ZC3H12B: variants seen among roughly 807,000 people sequenced by gnomAD.
ZC3H12B encodes the protein zinc finger CCCH-type containing 12B, also known as probable ribonuclease ZC3H12B.
ZC3H12B carries 7 observed loss-of-function variants against 43.9 expected under a neutral mutation model. The observed-to-expected ratio is 0.16, with a 90% CI of 0.09 to 0.30. The LOEUF is 0.30. ZC3H12B is among the 10% of genes least tolerant of loss of function. ZC3H12B has a pLI of 1.00. For synonymous variants in ZC3H12B, 222 were observed against 241.7 expected, an observed-to-expected ratio of 0.92 and a Z score of 0.76; for missense variants, 475 against 670.2, an observed-to-expected ratio of 0.71 and a Z score of 3.22.
intron 3 of ZC3H12B, chrX:65,408,364 A>G (rs2066861871): frequency 1.7e-6 from 2 of 1,205,016 alleles, no homozygotes; most frequent in Non-Finnish European, 2.2e-6. Context: ...AAGTCATCCC[A>G]TTTCTGTCTC....
intron 3 of ZC3H12B, among the ~76,000 whole-genome samples, chrX:65,454,218 G>A (rs2067568597): frequency 8.9e-6 from 1 of 112,662 alleles, no homozygotes; most frequent in Non-Finnish European, 1.9e-5. Flanking sequence ...AGCACAAGGG[G>A]TCAGGGAACT....
the ZC3H12B span, among the ~76,000 whole-genome samples, chrX:65,107,911 T>G: frequency 9.0e-6 from 1 of 111,693 alleles, no homozygotes; most frequent in Non-Finnish European, 1.9e-5. Context: ...ACAACTAGAC[T>G]ATATGGTATA....
intron 3 of ZC3H12B, among the ~76,000 whole-genome samples, chrX:65,442,686 G>T (rs1021570485): frequency 1.8e-5 from 2 of 112,274 alleles, no homozygotes; most frequent in African/African-American, 6.5e-5. Flanking sequence ...GGAATTATCC[G>T]ACTGGAAACA....
At chrX:65,192,222 T>A in the ZC3H12B span, among the ~76,000 whole-genome samples, 3 of 110,674 alleles carry the variant, frequency 2.7e-5, no homozygotes, top group Admixed American at 9.7e-5. Flanking sequence ...TACTTCCAAC[T>A]ATGTGGTCAA....
the ZC3H12B span, among the ~76,000 whole-genome samples, chrX:65,281,716 C>G: frequency 8.9e-6 from 1 of 112,425 alleles, no homozygotes. Flanking sequence ...AAATGTAAAA[C>G]TGCTAGAAAG....
At chrX:65,458,491 G>A (rs2067671350) in intron 3 of ZC3H12B, among the ~76,000 whole-genome samples, 1 of 111,738 alleles carries the variant, frequency 8.9e-6, no homozygotes, top group Non-Finnish European at 1.9e-5. Context: ...TAAAAGAACA[G>A]GAATCACAAC....
chrX:65,336,381 A>G, the ZC3H12B span, among the ~76,000 whole-genome samples: 1 of 111,107 alleles, frequency 9.0e-6, no homozygotes, highest in Admixed American at 9.5e-5. Context: ...CATGGAACCA[A>G]AAGCAAAACT....
the ZC3H12B span, among the ~76,000 whole-genome samples, chrX:65,346,383 T>C: frequency 3.6e-5 from 4 of 111,007 alleles, no homozygotes; most frequent in Middle Eastern, 4.7e-3. Flanking sequence ...GGGAAAGGAA[T>C]CCTATTCAAT....
chrX:65,302,180 C>T, the ZC3H12B span, among the ~76,000 whole-genome samples: 3 of 109,696 alleles, frequency 2.7e-5, no homozygotes, highest in African/African-American at 9.9e-5. Context: ...GGTTATGCAA[C>T]ATGACATGAA....
At chrX:65,182,567 A>T in the ZC3H12B span, among the ~76,000 whole-genome samples, 2 of 111,232 alleles carry the variant, frequency 1.8e-5, no homozygotes, top group Admixed American at 1.9e-4. Flanking sequence ...AAAAAAATTA[A>T]GAAATATGAT....
chrX:65,231,326 G>A, the ZC3H12B span, among the ~76,000 whole-genome samples: 1 of 110,826 alleles, frequency 9.0e-6, no homozygotes, highest in South Asian at 3.9e-4. Context: ...TACTGATGAG[G>A]GTCCATGTCT....
the ZC3H12B span, among the ~76,000 whole-genome samples, chrX:65,057,338 T>G: frequency 1.8e-5 from 2 of 111,581 alleles, no homozygotes; most frequent in Admixed American, 9.5e-5. Context: ...CTCCTTCACT[T>G]ATGAAGCTTA....
At chrX:65,426,949 G>A (rs1291478660) in intron 3 of ZC3H12B, among the ~76,000 whole-genome samples, 1 of 111,697 alleles carries the variant, frequency 9.0e-6, no homozygotes, top group Non-Finnish European at 1.9e-5. Context: ...GCTTTTGGGT[G>A]GAGAGTTATG....
chrX:65,384,234 T>C (rs2066488462), intron 2 of ZC3H12B, among the ~76,000 whole-genome samples: 1 of 102,354 alleles, frequency 9.8e-6, no homozygotes, highest in Admixed American at 1.1e-4. Context: ...ATGGATGAAA[T>C]TGGAAATCAT....
chrX:65,249,113 T>G, the ZC3H12B span, among the ~76,000 whole-genome samples: 1 of 111,944 alleles, frequency 8.9e-6, no homozygotes, highest in Non-Finnish European at 1.9e-5. Flanking sequence ...TCTTTGTGTT[T>G]ATTGCATTTG....
At chrX:65,365,880 T>C (rs1002512497), upstream of ZC3H12B, among the ~76,000 whole-genome samples, 7 of 109,363 alleles carry the variant, frequency 6.4e-5, no homozygotes, top group Non-Finnish European at 1.3e-4. Flanking sequence ...CCAAATCCTA[T>C]AAAACGACCC....
At chrX:65,192,039 T>C in the ZC3H12B span, among the ~76,000 whole-genome samples, 1 of 110,517 alleles carries the variant, frequency 9.0e-6, no homozygotes, top group Non-Finnish European at 1.9e-5. Flanking sequence ...TCTTTATTTC[T>C]GCCTTCATTT....
chrX:65,245,514 C>T, the ZC3H12B span, among the ~76,000 whole-genome samples: 2 of 112,101 alleles, frequency 1.8e-5, no homozygotes, highest in Admixed American at 9.4e-5. Flanking sequence ...GGCTTCATTC[C>T]TGGAAGGCAA....
the ZC3H12B span, among the ~76,000 whole-genome samples, chrX:65,149,653 A>G: frequency 9.3e-6 from 1 of 107,779 alleles, no homozygotes; most frequent in South Asian, 4.1e-4. Flanking sequence ...ATTCCCAGCT[A>G]CTCAGGAGGC....
Sources: allele counts gnomAD v4.1 joint callset (sites outside exome capture counted in the v4.1 genomes callset), GRCh38; gene constraint gnomAD v4.1.1; transcripts MANE v1.5; gene names NCBI Gene and HGNC (gene_info 2026-07-23, HGNC 2026-07-21).